ACSS1: variants seen among roughly 807,000 people sequenced by gnomAD.
The protein encoded by ACSS1 is acetyl-coenzyme A synthetase 2-like, mitochondrial.
ACSS1 carries 42 observed loss-of-function variants against 75.3 expected under a neutral mutation model. The ratio of observed to expected loss-of-function variants is 0.56; its 90% confidence interval spans 0.44 to 0.72. The LOEUF is 0.72. Ranked by LOEUF, ACSS1 falls within the 30% of genes least tolerant of loss-of-function variation. The pLI is 0.00. For missense variants in ACSS1, 782 were observed against 935.7 expected (o/e 0.84, Z 2.14); for synonymous variants, 380 against 376.8 (o/e 1.01, Z -0.10).
intron 2 of ACSS1, among the ~76,000 whole-genome samples, chr20:25,045,271 C>T (rs925213993): frequency 3.3e-5 from 5 of 152,196 alleles, no homozygotes; most frequent in Non-Finnish European, 7.3e-5. Flanking sequence ...TGGTACTGAA[C>T]TAGAACTAGA....
chr20:25,015,745 T>C (rs542004144), intron 7 of ACSS1, among the ~76,000 whole-genome samples: 1 of 152,300 alleles, frequency 6.6e-6, no homozygotes, highest in African/African-American at 2.4e-5. Context: ...CATTAGATGA[T>C]GGATATCAAA....
In ACSS1 at chr20:25,037,962, G is replaced by T. The variant is rs1029760494; in HGVS notation, c.432-7004C>A. Among the ~76,000 whole-genome samples, 9 of 152,354 alleles carry T rather than the reference G, an allele frequency of 5.9e-5. No individual in the cohort carries two copies. The East Asian group carries it at 1.5e-3, about 26-fold the overall frequency. On this transcript the variant is annotated intron_variant, in intron 2 of 13. Coordinates refer to ENST00000323482, the MANE Select transcript of ACSS1 (RefSeq NM_032501.4). ...CTAGCAGGGCTCATAAACCAAGTAT[G>T]AAATTTCTCACGTCATTATTTGATG...
intron 12 of ACSS1, chr20:25,011,212 C>T (rs1205408385): frequency 6.6e-6 from 1 of 152,382 alleles, no homozygotes; most frequent in African/African-American, 2.4e-5. Flanking sequence ...AGACCTAAGG[C>T]TAGGCCACCC....
At chr20:25,045,981 A>T (rs1054133031) in intron 2 of ACSS1, 4 of 152,154 alleles carry the variant, frequency 2.6e-5, no homozygotes, top group Admixed American at 2.0e-4. Flanking sequence ...GATGGAGTGC[A>T]GTGGCACAAT....
chr20:25,057,148 G>C (rs1313342349), intron 1 of ACSS1, among the ~76,000 whole-genome samples: 1 of 152,046 alleles, frequency 6.6e-6, no homozygotes, highest in Non-Finnish European at 1.5e-5. Flanking sequence ...AACGAGAACG[G>C]GGAGGCCGCC....
chr20:25,050,760 A>C (rs866919753), intron 1 of ACSS1, among the ~76,000 whole-genome samples: 2 of 152,058 alleles, frequency 1.3e-5, no homozygotes, highest in Admixed American at 6.5e-5. Context: ...CCCAACTTCA[A>C]ACAGGCCCTC....
In ACSS1 at chr20:25,007,613, C is replaced by T. The variant is rs1312823622; in HGVS notation, c.*149G>A. 3.4e-6 allele frequency: 5 copies of T among 1,489,744 alleles called. No homozygotes were observed. Among genetic ancestry groups the T allele is most frequent in the Non-Finnish European group, 4.4e-6 (5 of 1,128,336 alleles). The allele number at this position is 1,489,744 out of a possible 1,614,324, so 92.3% of individuals were successfully genotyped here. A position where few individuals can be genotyped will look rare whatever the true frequency, so the allele number is the denominator to read the frequency against. ...ATGGATGGGAGAAAGGGCTCTCAGC[C>T]CAGCTTCACGTGAGGGCGGTGTGGG... On this transcript the variant is annotated 3_prime_UTR_variant, in exon 14 of 14. Coordinates refer to ENST00000323482, the MANE Select transcript of ACSS1 (RefSeq NM_032501.4).
intron 1 of ACSS1, among the ~76,000 whole-genome samples, chr20:25,050,825 C>T (rs2089165488): frequency 6.6e-6 from 1 of 151,970 alleles, no homozygotes; most frequent in South Asian, 2.1e-4. Context: ...AGCAGGAAGG[C>T]AGAGGTGAGG....
At chr20:25,024,918 C>T (rs538234825) in intron 3 of ACSS1, among the ~76,000 whole-genome samples, 29 of 152,314 alleles carry the variant, frequency 1.9e-4, no homozygotes, top group Admixed American at 1.4e-3. Flanking sequence ...CACCAAGAGC[C>T]GTGGCTACAC....
intron 2 of ACSS1, 99 bp from the exon 3 acceptor site, chr20:25,031,057 A>G (rs2088816086): frequency 8.2e-7 from 1 of 1,222,194 alleles, no homozygotes; most frequent in Non-Finnish European, 1.2e-6. Context: ...TGTCATATAC[A>G]TCCAGCCCAG....
chr20:25,050,278 C>T (rs1459224285), intron 1 of ACSS1, among the ~76,000 whole-genome samples: 8 of 152,092 alleles, frequency 5.3e-5, no homozygotes, highest in Admixed American at 5.2e-4. Context: ...GAGACCATCC[C>T]TACACAGAGA....
intron 12 of ACSS1, 88 bp downstream of exon 12, chr20:25,012,513 A>G: frequency 6.7e-7 from 1 of 1,499,464 alleles, no homozygotes; most frequent in Non-Finnish European, 9.3e-7. Context: ...CTATCACTCC[A>G]CTCTCCAGAG....
At chr20:25,033,724 G>T (rs763593565) in intron 2 of ACSS1, among the ~76,000 whole-genome samples, 1 of 152,240 alleles carries the variant, frequency 6.6e-6, no homozygotes, top group Non-Finnish European at 1.5e-5. Flanking sequence ...CACATGTGAA[G>T]GTGTGCAGGG....
intron 3 of ACSS1, among the ~76,000 whole-genome samples, chr20:25,030,000 G>A (rs1348257630): frequency 6.6e-6 from 1 of 152,220 alleles, no homozygotes; most frequent in African/African-American, 2.4e-5. Context: ...CATCACCCTT[G>A]AACGTGGGGG....
chr20:25,050,154 C>T (rs1220383516), intron 1 of ACSS1, among the ~76,000 whole-genome samples: 1 of 152,156 alleles, frequency 6.6e-6, no homozygotes, highest in Non-Finnish European at 1.5e-5. Flanking sequence ...TACAGTTGTG[C>T]TAACCACCCT....
chr20:25,030,662 G>A (rs1251669733), intron 3 of ACSS1, 97 bp downstream of exon 3: 11 of 1,351,718 alleles, frequency 8.1e-6, no homozygotes, highest in Non-Finnish European at 1.1e-5. Context: ...TGACATTAAT[G>A]TCTGCACTCT....
chr20:25,024,571 C>T (rs1485857653), intron 3 of ACSS1, among the ~76,000 whole-genome samples: 4 of 152,204 alleles, frequency 2.6e-5, no homozygotes, highest in Non-Finnish European at 5.9e-5. Flanking sequence ...GGGGAACCCT[C>T]GACCAATGGC....
intron 3 of ACSS1, among the ~76,000 whole-genome samples, chr20:25,027,059 A>G (rs2088732046): frequency 6.6e-6 from 1 of 152,232 alleles, no homozygotes; most frequent in Admixed American, 6.5e-5. Flanking sequence ...AGCATCAACT[A>G]TGGCAGCAGA....
chr20:25,031,004 A>C, intron 2 of ACSS1, 46 bp from the exon 3 acceptor site: 8 of 1,594,814 alleles, frequency 5.0e-6, no homozygotes, highest in Non-Finnish European at 6.8e-6. Context: ...AGGAGGGCCA[A>C]AATGCAGAGC....
Sources: gnomAD v4.1 joint callset for allele counts (sites outside exome capture counted in the v4.1 genomes callset) on GRCh38, gnomAD v4.1.1 for gene constraint, MANE v1.5 for transcripts, NCBI Gene and HGNC (gene_info 2026-07-23, HGNC 2026-07-21) for gene names.